The following PAM variants were observed in gnomAD, a reference collection of about 807,000 sequenced individuals.
PAM encodes the protein peptidylglycine alpha-amidating monooxygenase.
A neutral mutation model predicts 122.1 loss-of-function variants in PAM; 72 were observed. The observed-to-expected ratio is 0.59, with a 90% CI of 0.49 to 0.72. The LOEUF is 0.72. Ranked by LOEUF, PAM falls within the 30% of genes least tolerant of loss-of-function variation. The pLI, the probability that PAM is intolerant of heterozygous loss-of-function variation, is 0.00. For synonymous variants in PAM, 389 were observed against 404.4 expected (o/e 0.96, Z 0.46); for missense variants, 1,106 against 1,183.7 (o/e 0.93, Z 0.96).
chr5:102,858,553 C>T (rs1331367832), intron 1 of PAM, among the ~76,000 whole-genome samples: 1 of 152,156 alleles, frequency 6.6e-6, no homozygotes, highest in Non-Finnish European at 1.5e-5. Context: ...TTGTAATGTT[C>T]TTGCTAAGCA....
chr5:102,975,133 G>C (rs1767198872), intron 15 of PAM, among the ~76,000 whole-genome samples: 1 of 152,172 alleles, frequency 6.6e-6, no homozygotes, highest in African/African-American at 2.4e-5. Context: ...CTTTAATTGT[G>C]TTGTGGCCTC....
At chr5:102,897,335 A>G (rs1283410275) in intron 3 of PAM, among the ~76,000 whole-genome samples, 2 of 151,612 alleles carry the variant, frequency 1.3e-5, no homozygotes, top group African/African-American at 4.8e-5. Context: ...ACTCTGAGGT[A>G]CAAAGTCACA....
At chr5:102,778,168 C>A (rs1228854119) in intron 1 of PAM, among the ~76,000 whole-genome samples, 2 of 152,082 alleles carry the variant, frequency 1.3e-5, no homozygotes, top group Non-Finnish European at 2.9e-5. Flanking sequence ...CCTCTCACCT[C>A]CCCACATGTA....
chr5:102,795,188 T>TAAA (rs1763051086), intron 1 of PAM, among the ~76,000 whole-genome samples: 2 of 6,672 alleles, frequency 3.0e-4, no homozygotes, highest in Admixed American at 2.0e-3. Flanking sequence ...AGACAATGTC[T>TAAA]CAAAAAAAAA....
At chr5:102,784,959 G>C (rs1760093264) in intron 1 of PAM, among the ~76,000 whole-genome samples, 1 of 152,202 alleles carries the variant, frequency 6.6e-6, no homozygotes, top group Admixed American at 6.5e-5. Flanking sequence ...GAATCACCTG[G>C]AGGATTAAAA....
At position 102,772,809 on chromosome 5, in the gene PAM, A is replaced by T. The variant is rs1324510841; in HGVS notation, c.-374+17461A>T. Reference sequence around the variant, plus strand: ...GAAAGTAAACTTCAATTTTGGGTTCATCTATAGTTAGGATGGATTTTATGT... The same window carrying T: ...GAAAGTAAACTTCAATTTTGGGTTCTTCTATAGTTAGGATGGATTTTATGT... On this transcript the variant is annotated intron_variant, in intron 1 of 25. Coordinates refer to ENST00000438793, the MANE Select transcript of PAM (RefSeq NM_001177306.2). Among the ~76,000 whole-genome samples, 3 of 152,218 alleles carry T rather than the reference A, an allele frequency of 2.0e-5. 1 individual carries two copies. In the South Asian group the frequency reaches 6.2e-4, roughly 32 times the overall value.
intron 12 of PAM, 67 bp from the exon 13 acceptor site, chr5:102,959,807 AT>A: frequency 9.5e-7 from 1 of 1,053,536 alleles, no homozygotes; most frequent in Non-Finnish European, 1.4e-6. Context: ...TAAGGGCTTC[AT>A]TTTTCTTGCA....
At chr5:102,886,359 T>A (rs573794645) in intron 3 of PAM, among the ~76,000 whole-genome samples, 21 of 152,058 alleles carry the variant, frequency 1.4e-4, no homozygotes, top group African/African-American at 4.6e-4. Flanking sequence ...ATTAATAGAG[T>A]TAATTCAGGC....
At chr5:102,855,157 CT>C (rs1782309833) in intron 1 of PAM, among the ~76,000 whole-genome samples, 1 of 152,044 alleles carries the variant, frequency 6.6e-6, no homozygotes, top group Non-Finnish European at 1.5e-5. Flanking sequence ...GTAGTTTACA[CT>C]TTGCAGAATC....
At chr5:102,965,440 A>G (rs966479217) in intron 14 of PAM, among the ~76,000 whole-genome samples, 4 of 151,766 alleles carry the variant, frequency 2.6e-5, no homozygotes, top group African/African-American at 9.7e-5. Context: ...CACCTCTTTA[A>G]TATTCAAAGT....
rs1160723694 is a variant in PAM, at chr5:102,950,722, C to G, written c.807C>G (p.Phe269Leu). 1.9e-6 allele frequency: 3 copies of G among 1,597,430 alleles called. No individual in the cohort carries two copies. The highest frequency in any genetic ancestry group is 2.6e-6 in the Non-Finnish European group (3 of 1,165,482). Residue 269 changes from phenylalanine (F) to leucine (L), a missense_variant, in exon 12 of 26, where the codon TTC becomes TTG. By Grantham distance (22) the Phe-to-Leu change is conservative (BLOSUM62 0). Transcript: ENST00000438793. ...GRQSPQLPQAFYPVGHPVDVS... is the reference protein window; with the variant it reads ...GRQSPQLPQALYPVGHPVDVS... ...TGTGTTTGTCTTTTTGGTAGGCTTTCTACCCTGTGGGGCATCCAGTTGATG... is the reference window on the plus strand; with the variant it reads ...TGTGTTTGTCTTTTTGGTAGGCTTTGTACCCTGTGGGGCATCCAGTTGATG...
At chr5:102,849,975 A>T (rs1274099528) in intron 1 of PAM, among the ~76,000 whole-genome samples, 2 of 152,202 alleles carry the variant, frequency 1.3e-5, no homozygotes, top group Non-Finnish European at 2.9e-5. Flanking sequence ...CTCTCATTTT[A>T]AAAATCATTT....
intron 21 of PAM, 137 bp downstream of exon 21, chr5:103,010,003 G>A (rs1164462276): frequency 2.8e-6 from 1 of 360,040 alleles, no homozygotes; most frequent in South Asian, 8.0e-5. Context: ...AAGGTTGATG[G>A]GAGTGTTCTA....
At chr5:102,992,613 T>G (rs75181477) in intron 16 of PAM, among the ~76,000 whole-genome samples, 3,540 of 151,952 alleles carry the variant, frequency 0.023, 135 homozygotes, top group African/African-American at 0.081. Context: ...GTATATCGGG[T>G]TTTTTTTGTC....
intron 1 of PAM, among the ~76,000 whole-genome samples, chr5:102,800,405 T>G (rs1324887515): frequency 6.6e-6 from 1 of 152,212 alleles, no homozygotes; most frequent in Non-Finnish European, 1.5e-5. Flanking sequence ...TTTTCCTTGT[T>G]TTACCTCTCA....
At chr5:102,786,409 CATTAGTGTAAGCTCTTATTA>C (rs1287234820) in intron 1 of PAM, among the ~76,000 whole-genome samples, 2 of 152,194 alleles carry the variant, frequency 1.3e-5, no homozygotes, top group Non-Finnish European at 2.9e-5. Flanking sequence ...AATTCGTAAT[CATTAGTGTAAGCTCTTATTA>C]ATATCAATTT....
intron 1 of PAM, among the ~76,000 whole-genome samples, chr5:102,770,041 A>G (rs181669086): frequency 5.7e-4 from 86 of 152,020 alleles, no homozygotes; most frequent in African/African-American, 1.9e-3. Flanking sequence ...TCTTTCATCA[A>G]TATTTTATAG....
intron 20 of PAM, among the ~76,000 whole-genome samples, chr5:103,008,399 AC>A (rs1779663298): frequency 6.6e-6 from 1 of 152,116 alleles, no homozygotes; most frequent in Non-Finnish European, 1.5e-5. Flanking sequence ...TAATTAGCAA[AC>A]CCATCACCTC....
chr5:102,938,879 C>CCCA (rs1754152087), intron 7 of PAM, among the ~76,000 whole-genome samples: 2 of 152,246 alleles, frequency 1.3e-5, no homozygotes, highest in South Asian at 4.1e-4. Context: ...CCACAGGCTT[C>CCCA]CTGCCTTTCA....
Sources: allele counts gnomAD v4.1 joint callset (sites outside exome capture counted in the v4.1 genomes callset), GRCh38; gene constraint gnomAD v4.1.1; transcripts MANE v1.5; gene names NCBI Gene and HGNC (gene_info 2026-07-23, HGNC 2026-07-21).